The following WDSUB1 variants were observed in gnomAD, a reference collection of about 807,000 sequenced individuals.
WDSUB1 encodes the protein WD repeat, sterile alpha motif and U-box domain containing 1.
In WDSUB1, 49 loss-of-function variants were observed where a neutral mutation model predicts 53.9. That is an observed-to-expected ratio of 0.91 (90% CI 0.72 to 1.15). The LOEUF (loss-of-function observed/expected upper bound fraction) is 1.15. Among genes scored for constraint, WDSUB1 ranks in the 50% most tolerant of loss-of-function variants. WDSUB1 has a pLI of 0.00. For synonymous variants in WDSUB1, 194 were observed against 200.6 expected (o/e 0.97, Z 0.28); for missense variants, 514 against 562.0 (o/e 0.91, Z 0.86).
chr2:159,262,314 G>A lies in WDSUB1; in HGVS notation c.771-2471C>T, dbSNP rs79421302. Among the ~76,000 whole-genome samples, 963 of 152,116 alleles carry A rather than the reference G, an allele frequency of 6.3e-3. 12 individuals are homozygous for A. The highest frequency in any genetic ancestry group is 0.021 in the African/African-American group (851 of 41,478). On this transcript the variant is annotated intron_variant, in intron 5 of 10. Transcript: ENST00000359774. The stretch of plus-strand genomic sequence containing the variant: ...CAGGCAAGAGTCCACATATGGGAAC[G>A]GCAAGCAGTAAGGCTGAAAACACAG...
intron 5 of WDSUB1, among the ~76,000 whole-genome samples, chr2:159,261,882 ATATATATATATATATTTTTTTTTTT>A (rs1224240183): frequency 2.5e-4 from 5 of 19,874 alleles, no homozygotes; most frequent in Non-Finnish European, 3.0e-4. Context: ...ATATATATAT[ATATATATATATATATTTTTTTTTTT>A]TTTTTTTTTT....
At chr2:159,277,905 T>C (rs993475348) in intron 3 of WDSUB1, among the ~76,000 whole-genome samples, 1 of 152,118 alleles carries the variant, frequency 6.6e-6, no homozygotes, top group African/African-American at 2.4e-5. Context: ...GTGTATAATA[T>C]GTTCTAAAGG....
chr2:159,251,237 G>T (rs1241223338), intron 9 of WDSUB1, among the ~76,000 whole-genome samples: 1 of 151,684 alleles, frequency 6.6e-6, no homozygotes, highest in Admixed American at 6.6e-5. Context: ...CTGCACTCCA[G>T]CCCGGGCAAC....
chr2:159,249,064 T>A (rs1242693538), intron 9 of WDSUB1, among the ~76,000 whole-genome samples: 1 of 152,242 alleles, frequency 6.6e-6, no homozygotes, highest in Admixed American at 6.5e-5. Context: ...TTAAATAGAT[T>A]CTGAAAGTTC....
intron 1 of WDSUB1, among the ~76,000 whole-genome samples, chr2:159,283,963 T>G (rs1035747343): frequency 3.3e-5 from 5 of 152,054 alleles, no homozygotes; most frequent in African/African-American, 1.2e-4. Flanking sequence ...TACAGGCATG[T>G]CCCACCACGC....
chr2:159,272,238 T>C (rs73004977), intron 4 of WDSUB1, among the ~76,000 whole-genome samples: 1,971 of 152,346 alleles, frequency 0.013, 45 homozygotes, highest in African/African-American at 0.045. Context: ...CATCTGGTTA[T>C]AGATTTCTAA....
rs189173909 is a variant in WDSUB1 at position 159,235,930 on chromosome 2, T to C, written c.*103A>G. 8.7e-7 allele frequency: 1 copy of C among 1,150,814 alleles called. No homozygotes were observed. Among genetic ancestry groups the C allele is most frequent in the East Asian group, 2.9e-5 (1 of 34,080 alleles). 71.3% of individuals were successfully genotyped at this position (1,150,814 alleles called of 1,614,324 possible). ...TTATAGGTAACTAAATTTAAGAAGTTTACCTTTTTCCTGTTTTGCTTTTAA... is the reference window on the plus strand; with the variant it reads ...TTATAGGTAACTAAATTTAAGAAGTCTACCTTTTTCCTGTTTTGCTTTTAA... On this transcript the variant is annotated 3_prime_UTR_variant, in exon 11 of 11. Transcript: ENST00000359774.
chr2:159,256,597 C>A lies in WDSUB1; in HGVS notation c.953-222G>T, dbSNP rs1457657004. Among the ~76,000 whole-genome samples the A allele has an allele frequency of 6.2e-4, 84 of 135,074 alleles. No homozygotes were observed. The highest frequency in any genetic ancestry group is 6.5e-4 in the Non-Finnish European group (41 of 63,546). 88.6% of individuals were successfully genotyped at this position (135,074 alleles called of 152,430 possible). On this transcript the variant is annotated intron_variant, in intron 8 of 10. Coordinates refer to ENST00000359774, the MANE Select transcript of WDSUB1 (RefSeq NM_001128212.3). Reference sequence around the variant, plus strand: ...CTAAGTAACATAGGGAGACCAGTCTCAAAAAAAAAAAAAAAATTGTTTTAC... The same window carrying A: ...CTAAGTAACATAGGGAGACCAGTCTAAAAAAAAAAAAAAAAATTGTTTTAC...
At chr2:159,242,346 C>T (rs1477567831) in intron 10 of WDSUB1, among the ~76,000 whole-genome samples, 7 of 146,370 alleles carry the variant, frequency 4.8e-5, no homozygotes, top group Non-Finnish European at 8.9e-5. Context: ...CGTGAGCCAC[C>T]ACACCCGGCC....
chr2:159,236,191 CTA>C lies in WDSUB1; in HGVS notation c.1274-3_1274-2del. Reference sequence around the variant, plus strand: ...GCTTCCTTTTCATATGAATAGCCATCTAAAAAAAAAAAATCACACAAATTACA... The same window carrying C: ...GCTTCCTTTTCATATGAATAGCCATCAAAAAAAAAAATCACACAAATTACA... On this transcript the variant is annotated splice_acceptor_variant and splice_polypyrimidine_tract_variant and intron_variant, in intron 10 of 10. Coordinates refer to ENST00000359774, the MANE Select transcript of WDSUB1 (RefSeq NM_001128212.3). LOFTEE classifies it high-confidence loss of function. 6.3e-7 allele frequency: 1 copy of C among 1,580,240 alleles called. No individual in the cohort carries two copies. Among genetic ancestry groups the C allele is most frequent in the South Asian group, 1.2e-5 (1 of 84,828 alleles).
intron 10 of WDSUB1, among the ~76,000 whole-genome samples, chr2:159,245,585 G>A (rs1420691182): frequency 8.0e-5 from 12 of 150,486 alleles, no homozygotes; most frequent in East Asian, 7.8e-4. Context: ...TGTGGTAACC[G>A]GCCCCCAGAT....
intron 2 of WDSUB1, among the ~76,000 whole-genome samples, chr2:159,281,746 C>T (rs1416275861): frequency 6.6e-6 from 1 of 152,138 alleles, no homozygotes; most frequent in Non-Finnish European, 1.5e-5. Flanking sequence ...CCAGCTGAAG[C>T]GGGTGGATCA....
At chr2:159,280,800 G>T (rs2061648615) in intron 2 of WDSUB1, among the ~76,000 whole-genome samples, 1 of 151,846 alleles carries the variant, frequency 6.6e-6, no homozygotes, top group Non-Finnish European at 1.5e-5. Flanking sequence ...AGGAAGACAG[G>T]GAGGCACGGT....
At chr2:159,271,047 C>T (rs898792621) in intron 5 of WDSUB1, among the ~76,000 whole-genome samples, 7 of 152,254 alleles carry the variant, frequency 4.6e-5, no homozygotes, top group East Asian at 1.9e-4. Context: ...CTCATCAGAA[C>T]GGCTAAAATT....
Position 159,236,007 on chromosome 2 carries a change from A to C in WDSUB1, c.*26T>G. 1 of 1,564,426 alleles carries C rather than the reference A, an allele frequency of 6.4e-7. No individual in the cohort carries two copies. Among genetic ancestry groups the C allele is most frequent in the Non-Finnish European group, 8.6e-7 (1 of 1,159,142 alleles). On this transcript the variant is annotated 3_prime_UTR_variant, in exon 11 of 11. Transcript: ENST00000359774. ...AATCATTCAAATGAGATCACTGAAA[A>C]TATAAATAATACAATATCAACAATT...
intron 10 of WDSUB1, among the ~76,000 whole-genome samples, chr2:159,240,294 G>GTTGT (rs1336656460): frequency 1.3e-5 from 2 of 152,140 alleles, no homozygotes; most frequent in African/African-American, 4.8e-5. Flanking sequence ...GGACATCTGG[G>GTTGT]TTGTTTCCAC....
chr2:159,280,462 C>T (rs1252481104), intron 2 of WDSUB1, among the ~76,000 whole-genome samples: 2 of 151,638 alleles, frequency 1.3e-5, no homozygotes, highest in Non-Finnish European at 2.9e-5. Context: ...GAGGCCGAGG[C>T]GGGCGGATCA....
At chr2:159,268,583 T>C (rs1265524026) in intron 5 of WDSUB1, among the ~76,000 whole-genome samples, 1 of 152,192 alleles carries the variant, frequency 6.6e-6, no homozygotes, top group Non-Finnish European at 1.5e-5. Flanking sequence ...GGAGCCTAAA[T>C]ATCTTAGCTG....
intron 4 of WDSUB1, among the ~76,000 whole-genome samples, chr2:159,273,216 A>G (rs557611949): frequency 1.4e-4 from 21 of 152,310 alleles, no homozygotes; most frequent in African/African-American, 5.1e-4. Flanking sequence ...CTTTAATTCT[A>G]ACTGGGAACA....
Sources: gnomAD v4.1 joint callset for allele counts (sites outside exome capture counted in the v4.1 genomes callset) on GRCh38, gnomAD v4.1.1 for gene constraint, MANE v1.5 for transcripts, NCBI Gene and HGNC (gene_info 2026-07-23, HGNC 2026-07-21) for gene names.